ASTN1: variants seen among roughly 807,000 people sequenced by gnomAD.
The protein encoded by ASTN1 is astrotactin-1.
Under a neutral mutation model 140.7 loss-of-function variants are expected in ASTN1, and 41 were observed. The observed-to-expected ratio is 0.29, with a 90% CI of 0.23 to 0.38. ASTN1 has a LOEUF of 0.38. ASTN1 is among the 10% of genes least tolerant of loss of function. The probability of loss-of-function intolerance (pLI) is 1.00; values close to 1 mark genes in which losing one functional copy is unlikely to be tolerated. For missense variants in ASTN1, 1,479 were observed against 1,678.8 expected (o/e 0.88, Z 2.08); for synonymous variants, 640 against 652.2 (o/e 0.98, Z 0.29).
At position 176,958,495 on chromosome 1, in the gene ASTN1, C is replaced by A; in HGVS notation, c.1599-13G>T. ...AGTGTAGGTGAATCTGCAGGGACAC[C>A]CAGTGCCAGGTGGTCATGACTGGGG... is the stretch of plus-strand genomic sequence containing the variant. On this transcript the variant is annotated splice_polypyrimidine_tract_variant and intron_variant, in intron 9 of 22. Coordinates refer to ENST00000361833, the MANE Select transcript of ASTN1 (RefSeq NM_004319.3). The A allele has an allele frequency of 1.9e-6, 3 of 1,603,578 alleles. No homozygotes were observed. The highest frequency in any genetic ancestry group is 1.7e-6 in the Non-Finnish European group (2 of 1,174,708).
At chr1:177,126,199 C>T (rs953362503) in intron 1 of ASTN1, among the ~76,000 whole-genome samples, 2 of 152,134 alleles carry the variant, frequency 1.3e-5, no homozygotes, top group Non-Finnish European at 2.9e-5. Flanking sequence ...TATCTTAGGA[C>T]CATCATCTGA....
At chr1:176,866,131 T>C (rs1668121394) in intron 22 of ASTN1, among the ~76,000 whole-genome samples, 1 of 152,176 alleles carries the variant, frequency 6.6e-6, no homozygotes, top group Admixed American at 6.5e-5. Flanking sequence ...ATTCCTTTCA[T>C]TTCTCTTCTA....
intron 1 of ASTN1, among the ~76,000 whole-genome samples, chr1:177,140,436 A>C (rs1558124059): frequency 6.6e-6 from 1 of 152,172 alleles, no homozygotes; most frequent in Non-Finnish European, 1.5e-5. Flanking sequence ...TAATCTTCTA[A>C]GTATAATGTG....
At chr1:177,093,730 T>C (rs1679886387) in intron 1 of ASTN1, among the ~76,000 whole-genome samples, 1 of 152,154 alleles carries the variant, frequency 6.6e-6, no homozygotes, top group Non-Finnish European at 1.5e-5. Context: ...AGTGTGCACA[T>C]TTCATCAAAA....
chr1:177,115,255 T>C (rs968326697), intron 1 of ASTN1, among the ~76,000 whole-genome samples: 1 of 152,148 alleles, frequency 6.6e-6, no homozygotes, highest in Non-Finnish European at 1.5e-5. Flanking sequence ...CCAGGGGTTA[T>C]AAAATTAGCC....
chr1:176,900,841 C>T (rs1669734973), intron 16 of ASTN1, among the ~76,000 whole-genome samples: 1 of 152,198 alleles, frequency 6.6e-6, no homozygotes, highest in Non-Finnish European at 1.5e-5. Flanking sequence ...CTGCCCTGCT[C>T]ACCACCAACA....
At chr1:176,882,830 A>G in intron 20 of ASTN1, 29 bp downstream of exon 20, 3 of 1,613,644 alleles carry the variant, frequency 1.9e-6, no homozygotes, top group Non-Finnish European at 2.5e-6. Context: ...TCAGGGTAAG[A>G]AGTCACTAGG....
At chr1:177,135,071 T>C (rs993960589) in intron 1 of ASTN1, among the ~76,000 whole-genome samples, 3 of 152,052 alleles carry the variant, frequency 2.0e-5, no homozygotes, top group Non-Finnish European at 4.4e-5. Context: ...TAAGAGAAGT[T>C]TTTCTACATG....
intron 1 of ASTN1, among the ~76,000 whole-genome samples, chr1:177,081,566 G>A (rs918745744): frequency 1.3e-5 from 2 of 152,118 alleles, no homozygotes; most frequent in African/African-American, 4.8e-5. Flanking sequence ...AGATAAGTGA[G>A]CTATATCAAC....
At position 176,985,845 on chromosome 1, in the gene ASTN1, T is replaced by TACACACAC. The variant is rs60769752; in HGVS notation, c.1524-20616_1524-20609dup. Among the ~76,000 whole-genome samples the TACACACAC allele has an allele frequency of 4.4e-3, 573 of 129,724 alleles. 2 individuals carry two copies. Among genetic ancestry groups the TACACACAC allele is most frequent in the African/African-American group, 5.6e-3 (187 of 33,550 alleles). 85.1% of individuals were successfully genotyped at this position (129,724 alleles called of 152,430 possible). A position where few individuals can be genotyped will look rare whatever the true frequency, so the allele number is the denominator to read the frequency against. ...TATTGGTTCTCTCTCTCTCTCTCTC[T>TACACACAC]ACACACACACACACACACACACACA... On this transcript the variant is annotated intron_variant, in intron 8 of 22. Transcript: ENST00000361833.
chr1:177,004,174 A>G (rs1198606759), intron 8 of ASTN1, among the ~76,000 whole-genome samples: 3 of 152,176 alleles, frequency 2.0e-5, no homozygotes, highest in South Asian at 2.1e-4. Flanking sequence ...CTATAAACCA[A>G]CAATGACCCA....
At chr1:177,086,823 G>C (rs1366350010) in intron 1 of ASTN1, among the ~76,000 whole-genome samples, 1 of 152,042 alleles carries the variant, frequency 6.6e-6, no homozygotes, top group South Asian at 2.1e-4. Flanking sequence ...ATTGTTCCAT[G>C]TTCAATAAAT....
At chr1:176,958,129 T>A (rs950819810) in intron 10 of ASTN1, among the ~76,000 whole-genome samples, 2 of 152,212 alleles carry the variant, frequency 1.3e-5, no homozygotes, top group African/African-American at 4.8e-5. Flanking sequence ...CAAACTCTAA[T>A]TTTATGTCTT....
chr1:176,937,783 G>T (rs765851643), intron 14 of ASTN1, among the ~76,000 whole-genome samples: 3 of 152,048 alleles, frequency 2.0e-5, no homozygotes, highest in African/African-American at 7.2e-5. Flanking sequence ...TGTGGTGTGT[G>T]CACATGTCTA....
Position 177,032,593 on chromosome 1 carries a change from T to G in ASTN1, c.728A>C (p.Glu243Ala). Residue 243 changes from glutamate (E) to alanine (A), a missense_variant, in exon 3 of 23, where the codon GAG becomes GCG. Glu to Ala is a moderately radical substitution (Grantham distance 107). Coordinates refer to ENST00000361833, the MANE Select transcript of ASTN1 (RefSeq NM_004319.3). Reference sequence around the variant, plus strand: ...GTGGCGCAGATCAGTGATGTCATACTCATAGCCGTCCAGGATAGGTGTCTC... The same window carrying G: ...GTGGCGCAGATCAGTGATGTCATACGCATAGCCGTCCAGGATAGGTGTCTC... ...IRETPILDGYEYDITDLRHHL... is the reference protein window; with the variant it reads ...IRETPILDGYAYDITDLRHHL... 4 of 1,614,168 alleles carry G rather than the reference T, an allele frequency of 2.5e-6. No individual in the cohort carries two copies. Among genetic ancestry groups the G allele is most frequent in the South Asian group, 1.1e-5 (1 of 91,082 alleles).
At chr1:176,976,911 A>T (rs1457690285) in intron 8 of ASTN1, 1 of 152,262 alleles carries the variant, frequency 6.6e-6, no homozygotes, top group African/African-American at 2.4e-5. Context: ...TCCCTGTACA[A>T]GAAAAACAGT....
intron 1 of ASTN1, among the ~76,000 whole-genome samples, chr1:177,141,171 G>A (rs1398525764): frequency 1.3e-5 from 2 of 152,132 alleles, no homozygotes; most frequent in African/African-American, 2.4e-5. Flanking sequence ...AACTGAGGTC[G>A]TGCCATTGCA....
chr1:176,905,284 C>T (rs543750817), intron 16 of ASTN1, among the ~76,000 whole-genome samples: 64 of 152,296 alleles, frequency 4.2e-4, no homozygotes, highest in African/African-American at 1.5e-3. Context: ...TCTATGCAGG[C>T]GGGTGTCTCT....
intron 1 of ASTN1, among the ~76,000 whole-genome samples, chr1:177,123,813 C>G (rs114509565): frequency 6.6e-6 from 1 of 152,272 alleles, no homozygotes; most frequent in Non-Finnish European, 1.5e-5. Flanking sequence ...CATAGCCAAA[C>G]CTTTGGGAGG....
Sources: allele counts gnomAD v4.1 joint callset (sites outside exome capture counted in the v4.1 genomes callset), GRCh38; gene constraint gnomAD v4.1.1; transcripts MANE v1.5; gene names NCBI Gene and HGNC (gene_info 2026-07-23, HGNC 2026-07-21).